Variants in ZNF385D observed in about 807,000 individuals in gnomAD.
ZNF385D encodes the protein zinc finger protein 385D, also known as zinc finger protein 659.
ZNF385D carries 15 observed loss-of-function variants against 35.8 expected under a neutral mutation model. The observed-to-expected ratio is 0.42, with a 90% CI of 0.28 to 0.64. The LOEUF (loss-of-function observed/expected upper bound fraction) is 0.64, where lower values mean the gene tolerates loss of function less well. Among genes scored for constraint, ZNF385D ranks in the 30% least tolerant of loss-of-function variants. The probability of loss-of-function intolerance (pLI) is 0.23; values close to 1 mark genes in which losing one functional copy is unlikely to be tolerated. For missense variants in ZNF385D, 474 were observed against 494.6 expected (o/e 0.96, Z 0.39); for synonymous variants, 212 against 186.8 (o/e 1.13, Z -1.10).
At chr3:21,921,156 G>C (rs1365764885) in intron 3 of ZNF385D, among the ~76,000 whole-genome samples, 2 of 142,758 alleles carry the variant, frequency 1.4e-5, no homozygotes, top group East Asian at 4.2e-4. Context: ...CCGGGAGGCG[G>C]AGTTTGCAGT....
intron 2 of ZNF385D, among the ~76,000 whole-genome samples, chr3:22,240,494 C>T (rs1443110117): frequency 6.6e-6 from 1 of 150,976 alleles, no homozygotes; most frequent in Non-Finnish European, 1.5e-5. Flanking sequence ...CTTTACTTAG[C>T]TCCTTTCTAA....
rs1352670737 is a variant in ZNF385D, at chr3:21,415,922, G to A, written c.*5292C>T. 1 of 151,904 alleles carries A rather than the reference G, an allele frequency of 6.6e-6. No individual in the cohort carries two copies. Among genetic ancestry groups the A allele is most frequent in the Non-Finnish European group, 1.5e-5 (1 of 67,986 alleles). 9.4% of individuals were successfully genotyped at this position (151,904 alleles called of 1,614,324 possible). ...AGAGGAAAGAGAAGACCCTCAAATT[G>A]AAGGTAATGTTCAGTCCCTTGACAT... On this transcript the variant is annotated 3_prime_UTR_variant, in exon 8 of 8. Transcript: ENST00000281523.
intron 3 of ZNF385D, among the ~76,000 whole-genome samples, chr3:21,870,325 A>G (rs904602542): frequency 6.6e-6 from 1 of 152,130 alleles, no homozygotes; most frequent in South Asian, 2.1e-4. Flanking sequence ...ATGTCTTTTT[A>G]TTTAGATGTT....
At chr3:21,736,552 C>T (rs181184174) in intron 1 of ZNF385D, among the ~76,000 whole-genome samples, 1 of 152,170 alleles carries the variant, frequency 6.6e-6, no homozygotes, top group Non-Finnish European at 1.5e-5. Flanking sequence ...GGTTTTGAAG[C>T]AGAAGGGTAA....
chr3:21,885,740 C>CTGTGTGTGTGTG (rs3074769), intron 3 of ZNF385D, among the ~76,000 whole-genome samples: 3,743 of 101,124 alleles, frequency 0.037, 55 homozygotes, highest in Middle Eastern at 0.071. Context: ...GTGTCTGTGT[C>CTGTGTGTGTGTG]TGTGTGTGTG....
intron 2 of ZNF385D, among the ~76,000 whole-genome samples, chr3:22,214,886 G>A (rs370102592): frequency 6.6e-6 from 1 of 151,920 alleles, no homozygotes; most frequent in South Asian, 2.1e-4. Context: ...ATTACCTTGT[G>A]AAGCACGTGA....
intron 3 of ZNF385D, among the ~76,000 whole-genome samples, chr3:21,982,121 T>C (rs1694494682): frequency 6.7e-6 from 1 of 149,384 alleles, no homozygotes. Flanking sequence ...ACATCACTGG[T>C]AGTTTGATAG....
chr3:22,032,868 A>G (rs1698085621), intron 3 of ZNF385D, among the ~76,000 whole-genome samples: 1 of 152,148 alleles, frequency 6.6e-6, no homozygotes, highest in Admixed American at 6.5e-5. Flanking sequence ...CGTTCCCATT[A>G]TCATCCTAAT....
chr3:21,892,087 A>G (rs1419701666), intron 3 of ZNF385D, among the ~76,000 whole-genome samples: 1 of 152,226 alleles, frequency 6.6e-6, no homozygotes, highest in Admixed American at 6.5e-5. Context: ...TTTTCTTCAA[A>G]AATTAACTCC....
In ZNF385D at chr3:21,434,012, T is replaced by A. The variant is rs1032095347; in HGVS notation, c.673+2958A>T. ...AGCCCTGCGGTATTACATCTTTTTT[T>A]AAAAAATGTAAACATTAGGTTATAA... On this transcript the variant is annotated intron_variant, in intron 5 of 7. Coordinates refer to ENST00000281523, the MANE Select transcript of ZNF385D (RefSeq NM_024697.3). Among the ~76,000 whole-genome samples, 15 of 152,234 alleles carry A rather than the reference T, an allele frequency of 9.9e-5. No homozygotes were observed. In the South Asian group the frequency reaches 1.0e-3, roughly 11 times the overall value.
At chr3:21,657,038 T>A (rs946254784) in intron 2 of ZNF385D, among the ~76,000 whole-genome samples, 2 of 151,824 alleles carry the variant, frequency 1.3e-5, no homozygotes, top group Non-Finnish European at 2.9e-5. Flanking sequence ...GTTGACTACA[T>A]AAAGGATATC....
intron 1 of ZNF385D, among the ~76,000 whole-genome samples, chr3:21,693,215 T>G (rs1284209543): frequency 6.6e-6 from 1 of 152,164 alleles, no homozygotes; most frequent in Non-Finnish European, 1.5e-5. Context: ...CATCCTACGG[T>G]GACACTCATA....
chr3:21,441,943 G>C (rs571426334), intron 4 of ZNF385D, among the ~76,000 whole-genome samples: 1 of 152,214 alleles, frequency 6.6e-6, no homozygotes, highest in Non-Finnish European at 1.5e-5. Context: ...TTTTCTGCCA[G>C]CGCCCTGTAG....
At chr3:22,023,530 T>G (rs1471895861) in intron 3 of ZNF385D, among the ~76,000 whole-genome samples, 1 of 152,184 alleles carries the variant, frequency 6.6e-6, no homozygotes, top group East Asian at 1.9e-4. Context: ...ATGGAGTCAT[T>G]GTTACAATGC....
intron 3 of ZNF385D, among the ~76,000 whole-genome samples, chr3:21,908,529 G>A (rs930592496): frequency 1.3e-5 from 2 of 152,112 alleles, no homozygotes; most frequent in East Asian, 3.9e-4. Context: ...GTAACAGGCT[G>A]AGCCTCAAAC....
chr3:21,937,545 T>C (rs1235501348), intron 3 of ZNF385D, among the ~76,000 whole-genome samples: 1 of 152,198 alleles, frequency 6.6e-6, no homozygotes, highest in East Asian at 1.9e-4. Context: ...TGAGGTGTCC[T>C]TGACTATACT....
chr3:21,763,295 A>G (rs933496902), intron 3 of ZNF385D, among the ~76,000 whole-genome samples: 9 of 152,304 alleles, frequency 5.9e-5, no homozygotes, highest in East Asian at 3.9e-4. Context: ...GAGATATTCA[A>G]TCATGATGTT....
At chr3:22,359,649 G>A (rs1385113495) in intron 2 of ZNF385D, among the ~76,000 whole-genome samples, 2 of 151,748 alleles carry the variant, frequency 1.3e-5, no homozygotes, top group East Asian at 3.9e-4. Context: ...AAACAGCCTT[G>A]GTATTGAGAG....
intron 2 of ZNF385D, among the ~76,000 whole-genome samples, chr3:22,272,227 C>G (rs115851617): frequency 2.0e-5 from 3 of 152,030 alleles, no homozygotes; most frequent in Admixed American, 1.3e-4. Flanking sequence ...TCCTGACCAC[C>G]TTATCCTTTA....
Sources: gnomAD v4.1 joint callset for allele counts (sites outside exome capture counted in the v4.1 genomes callset) on GRCh38, gnomAD v4.1.1 for gene constraint, MANE v1.5 for transcripts, NCBI Gene and HGNC (gene_info 2026-07-23, HGNC 2026-07-21) for gene names.